SZT2: variants seen among roughly 807,000 people sequenced by gnomAD.
SZT2 encodes the protein KICSTOR complex protein SZT2.
Under a neutral mutation model 404.2 loss-of-function variants are expected in SZT2, and 216 were observed. The ratio of observed to expected loss-of-function variants is 0.53; its 90% confidence interval spans 0.48 to 0.60. The LOEUF (loss-of-function observed/expected upper bound fraction) is 0.60, where lower values mean the gene tolerates loss of function less well. Ranked by LOEUF, SZT2 falls within the 20% of genes least tolerant of loss-of-function variation. SZT2 has a pLI of 0.00. For missense variants in SZT2, 3,857 were observed against 4,459.2 expected (o/e 0.86, Z 3.85); for synonymous variants, 1,693 against 1,749.9 (o/e 0.97, Z 0.81).
At chr1:43,409,503 C>G (rs1160934638) in intron 4 of SZT2, 1 of 395,022 alleles carries the variant, frequency 2.5e-6, no homozygotes, top group East Asian at 8.0e-5. Flanking sequence ...ATGATATGAT[C>G]TTTTATTTGG....
chr1:43,401,416 A>T (rs963292529), intron 1 of SZT2, among the ~76,000 whole-genome samples: 13 of 152,202 alleles, frequency 8.5e-5, no homozygotes, highest in Non-Finnish European at 1.8e-4. Context: ...ATTGGGATTC[A>T]AACCCAGACT....
At chr1:43,402,843 T>C (rs566769075) in intron 1 of SZT2, among the ~76,000 whole-genome samples, 2 of 152,176 alleles carry the variant, frequency 1.3e-5, no homozygotes, top group Non-Finnish European at 2.9e-5. Flanking sequence ...TTGTAGCAAT[T>C]TGCCAAGCAC....
rs777808688 is a variant in SZT2, at chr1:43,443,788, C to T, written c.8817C>T (p.Pro2939=). The change falls in exon 62 of 72, where the codon CCC becomes CCT. Residue 2939 remains proline (P), a synonymous_variant. Coordinates refer to ENST00000634258, the MANE Select transcript of SZT2 (RefSeq NM_001365999.1). Reference sequence around the variant, plus strand: ...TGGTACCACTGCGGCCCCCCTCACCCGCCCGCAGGTGAGCCCGTCCCTGTT... The same window carrying T: ...TGGTACCACTGCGGCCCCCCTCACCTGCCCGCAGGTGAGCCCGTCCCTGTT... ...FVLVPLRPPS[P]ARSTSRPRAM... 63 of 1,613,298 alleles carry T rather than the reference C, an allele frequency of 3.9e-5. No homozygotes were observed. The highest frequency in any genetic ancestry group is 6.7e-5 in the Admixed American group (4 of 59,998).
chr1:43,449,966 G>A (rs142316061), intron 70 of SZT2, 137 bp from the exon 71 acceptor site: 15,918 of 991,522 alleles, frequency 0.016, 184 homozygotes, highest in Middle Eastern at 0.033. Flanking sequence ...TTGGAGACAC[G>A]GTCCTATGTG....
At chr1:43,403,087 T>C in intron 1 of SZT2, 90 bp from the exon 2 acceptor site, 1 of 1,443,354 alleles carries the variant, frequency 6.9e-7, no homozygotes, top group Non-Finnish European at 9.6e-7. Context: ...GATGGTGAGT[T>C]CCTTGGGCAA....
At chr1:43,413,291 A>C (rs553694343) in intron 4 of SZT2, among the ~76,000 whole-genome samples, 4 of 152,342 alleles carry the variant, frequency 2.6e-5, no homozygotes, top group Admixed American at 1.3e-4. Flanking sequence ...CCTGAGGCAG[A>C]GAATTGCTTG....
rs2153936608 is a variant in SZT2 at position 43,446,359 on chromosome 1, CAA to C, written c.9017_9018del (p.Lys3006ThrfsTer28). The C allele has an allele frequency of 6.2e-7, 1 of 1,614,216 alleles. No homozygotes were observed. The highest frequency in any genetic ancestry group is 2.2e-5 in the East Asian group (1 of 44,884). ...CCCTCCAGGGCTGTTACTTCTGTGT[CAA>C]ACAGTTTGCCCTGGAATGTTCCCGA... The part of the protein sequence containing the change: ...LAFQGCYFCV[K>X]QFALECSRIP... On this transcript the variant is annotated frameshift_variant, in exon 65 of 72. Transcript: ENST00000634258. LOFTEE classifies it high-confidence loss of function.
chr1:43,396,970 TAGA>T (rs1451053339), intron 1 of SZT2, among the ~76,000 whole-genome samples: 1 of 152,194 alleles, frequency 6.6e-6, no homozygotes, highest in African/African-American at 2.4e-5. Flanking sequence ...ACCATGTTGA[TAGA>T]AGAGTGAAAA....
chr1:43,394,879 C>CAA (rs565825081), intron 1 of SZT2, among the ~76,000 whole-genome samples: 3 of 78,366 alleles, frequency 3.8e-5, no homozygotes, highest in African/African-American at 1.4e-4. Flanking sequence ...AACTCCATCT[C>CAA]AAAAAAAAAA....
At chr1:43,422,665 C>CCTCCACCCCCCCGCCA (rs1652527936) in intron 13 of SZT2, 33 bp downstream of exon 13, 1 of 751,396 alleles carries the variant, frequency 1.3e-6, no homozygotes, top group African/African-American at 2.1e-5. Context: ...ACCCCCCGCC[C>CCTCCACCCCCCCGCCA]CCCCACCCCC....
At position 43,431,054 on chromosome 1, in the gene SZT2, T is replaced by G; in HGVS notation, c.4880T>G (p.Val1627Gly). 1 of 1,614,036 alleles carries G rather than the reference T, an allele frequency of 6.2e-7. No homozygotes were observed. Among genetic ancestry groups the G allele is most frequent in the Non-Finnish European group, 8.5e-7 (1 of 1,179,994 alleles). The change falls in exon 33 of 72, where the codon GTG (valine) becomes GGG (glycine). Residue 1627 changes from valine to glycine, a missense_variant. Around this residue, in one of 7 missense-constraint regions of SZT2, gnomAD observed 1,725 missense variants for 1,881.0 expected, o/e 0.92. Transcript: ENST00000634258. Reference protein sequence around the residue: ...DVFMLTLPLEVELPTASDPQH... With the variant: ...DVFMLTLPLEGELPTASDPQH... ...TTCATGCTGACTTTGCCCCTGGAAG[T>G]GGAGCTCCCCACGGCCTCGGACCCT...
At position 43,439,182 on chromosome 1, in the gene SZT2, G is replaced by A. The variant is rs1570703213; in HGVS notation, c.6792+89G>A. The A allele has an allele frequency of 1.9e-6, 3 of 1,585,642 alleles. No homozygotes were observed. Among genetic ancestry groups the A allele is most frequent in the Non-Finnish European group, 2.6e-6 (3 of 1,160,360 alleles). ...CTCTTTCCTACCGATACCCCTATATGTACCTTTGCCCATGGACCTGGGTAC... is the reference window on the plus strand; with the variant it reads ...CTCTTTCCTACCGATACCCCTATATATACCTTTGCCCATGGACCTGGGTAC... On this transcript the variant is annotated intron_variant, in intron 48 of 71. Coordinates refer to ENST00000634258, the MANE Select transcript of SZT2 (RefSeq NM_001365999.1). The surrounding 1 kb of genome is among the most constrained non-coding windows in gnomAD (Gnocchi z 4.2).
intron 33 of SZT2, 42 bp from the exon 34 acceptor site, chr1:43,431,223 G>A (rs770087347): frequency 1.3e-6 from 2 of 1,566,706 alleles, no homozygotes; most frequent in South Asian, 1.2e-5. Context: ...GCCCTGGTAG[G>A]ATAGTAACTC....
rs1156267908 is a variant in SZT2, at chr1:43,432,828, C to A, written c.5602+29C>A. On this transcript the variant is annotated intron_variant, in intron 39 of 71. Coordinates refer to ENST00000634258, the MANE Select transcript of SZT2 (RefSeq NM_001365999.1). ...AGCTGGGGGGACGGGGTGAAGGACT[C>A]TAAGCTGATGGGAGGTGGGCTTAGG... The A allele has an allele frequency of 3.7e-6, 6 of 1,611,888 alleles. No individual in the cohort carries two copies. In the South Asian group the frequency reaches 6.6e-5, roughly 18 times the overall value.
chr1:43,426,719 C>G lies in SZT2; in HGVS notation c.3219C>G (p.Ala1073=), dbSNP rs1385866926. 1 of 1,609,258 alleles carries G rather than the reference C, an allele frequency of 6.2e-7. No individual in the cohort carries two copies. Among genetic ancestry groups the G allele is most frequent in the African/African-American group, 1.3e-5 (1 of 74,838 alleles). Residue 1073 remains alanine (A), a synonymous_variant, in exon 23 of 72, where the codon GCC becomes GCG. Transcript: ENST00000634258. The surrounding 1 kb of genome is among the most constrained non-coding windows in gnomAD (Gnocchi z 4.9). ...VLRRTCHVPG[A]EGPLLGVHGI... ...CCATCTCTACCCCCATTGTAGGTGC[C>G]GAGGGGCCACTGCTGGGGGTTCATG...
In SZT2 at chr1:43,425,320, G is replaced by T. The variant is rs529308657; in HGVS notation, c.2645+113G>T. 2.7e-5 allele frequency: 41 copies of T among 1,510,024 alleles called. No homozygotes were observed. Among genetic ancestry groups the T allele is most frequent in the Middle Eastern group, 3.5e-4 (2 of 5,778 alleles). 93.5% of individuals were successfully genotyped at this position (1,510,024 alleles called of 1,614,324 possible). A position where few individuals can be genotyped will look rare whatever the true frequency, so the allele number is the denominator to read the frequency against. Reference sequence around the variant, plus strand: ...TGATCTTGATCCCAAAGTCAGGGAGGGGGTGCGGTGTTTAGATGCTTCATC... The same window carrying T: ...TGATCTTGATCCCAAAGTCAGGGAGTGGGTGCGGTGTTTAGATGCTTCATC... On this transcript the variant is annotated intron_variant, in intron 18 of 71. Transcript: ENST00000634258. The surrounding 1 kb of genome is among the most constrained non-coding windows in gnomAD (Gnocchi z 4.3).
intron 1 of SZT2, among the ~76,000 whole-genome samples, chr1:43,399,798 C>G (rs1324098765): frequency 1.3e-5 from 2 of 151,776 alleles, no homozygotes; most frequent in East Asian, 3.9e-4. Flanking sequence ...TATAATGTTA[C>G]TGTCTTGTGG....
intron 4 of SZT2, chr1:43,409,839 A>G (rs1024287151): frequency 6.3e-6 from 1 of 157,596 alleles, no homozygotes; most frequent in Non-Finnish European, 1.4e-5. Flanking sequence ...CACTGCCTAA[A>G]GCAGTCTACA....
intron 39 of SZT2, 41 bp from the exon 40 acceptor site, chr1:43,432,948 C>T: frequency 1.9e-6 from 3 of 1,610,304 alleles, no homozygotes; most frequent in Non-Finnish European, 2.5e-6. Flanking sequence ...TGAGTCAGGC[C>T]CAGCTTCGGA....
Sources: gnomAD v4.1 joint callset for allele counts (sites outside exome capture counted in the v4.1 genomes callset) on GRCh38, gnomAD v4.1.1 for gene constraint, gnomAD v4.1.1 regional missense constraint, Gnocchi (gnomAD v3.1) non-coding constraint, MANE v1.5 for transcripts, NCBI Gene and HGNC (gene_info 2026-07-23, HGNC 2026-07-21) for gene names.